The following ENSA variants were observed in gnomAD, a reference collection of about 807,000 sequenced individuals.
The protein encoded by ENSA is alpha-endosulfine.
ENSA carries 7 observed loss-of-function variants against 16.8 expected under a neutral mutation model. That is an observed-to-expected ratio of 0.42 (90% CI 0.24 to 0.78). The LOEUF (loss-of-function observed/expected upper bound fraction) is 0.78. Ranked by LOEUF, ENSA falls within the 30% of genes least tolerant of loss-of-function variation. The probability of loss-of-function intolerance (pLI) is 0.29; values close to 1 mark genes in which losing one functional copy is unlikely to be tolerated. For synonymous variants in ENSA, 58 were observed against 53.4 expected, an observed-to-expected ratio of 1.09 and a Z score of -0.37; for missense variants, 87 against 142.3, an observed-to-expected ratio of 0.61 and a Z score of 1.98.
chr1:150,622,456 CT>C lies in ENSA; in HGVS notation c.*387del. The C allele has an allele frequency of 4.3e-6, 1 of 230,186 alleles. No homozygotes were observed. The highest frequency in any genetic ancestry group is 8.4e-6 in the Non-Finnish European group (1 of 119,702). 14.3% of individuals were successfully genotyped at this position (230,186 alleles called of 1,614,324 possible). On this transcript the variant is annotated 3_prime_UTR_variant, in exon 4 of 4. Transcript: ENST00000369014. ...CCTTTTCATTAGGCTACTCCACTTC[CT>C]TCCCCTCATACCTACCCCACATCAG...
intron 3 of ENSA, chr1:150,624,656 C>G (rs1649178416): frequency 1.0e-6 from 1 of 985,452 alleles, no homozygotes; most frequent in African/African-American, 1.7e-5. Context: ...TCAATTTACT[C>G]TCTCCTCATG....
chr1:150,624,380 C>T, intron 3 of ENSA: 1 of 985,932 alleles, frequency 1.0e-6, no homozygotes, highest in Non-Finnish European at 1.2e-6. Context: ...GTTTACCCTT[C>T]TTCCTCTTTC....
intron 1 of ENSA, chr1:150,629,106 C>T: frequency 2.5e-6 from 4 of 1,614,154 alleles, no homozygotes; most frequent in Non-Finnish European, 3.4e-6. Flanking sequence ...CACCAGCCAT[C>T]CCCTTTCCAT....
In ENSA at chr1:150,625,051, T is replaced by C. The variant is rs118186764; in HGVS notation, c.350+591A>G. The C allele has an allele frequency of 2.7e-3, 2,675 of 985,348 alleles. 98 individuals are homozygous for C. In the Admixed American group the frequency reaches 0.07, roughly 26 times the overall value. The allele number at this position is 985,348 out of a possible 1,614,324, so 61.0% of individuals were successfully genotyped here. A position where few individuals can be genotyped will look rare whatever the true frequency, so the allele number is the denominator to read the frequency against. On this transcript the variant is annotated intron_variant, in intron 3 of 3. Transcript: ENST00000369014. ...ATAATGTTCATCAATCTTTATATTA[T>C]TTGAGAGCCAGAGCAAACTGTAAGA...
intron 3 of ENSA, chr1:150,623,666 A>G: frequency 1.0e-6 from 1 of 978,226 alleles, no homozygotes; most frequent in Non-Finnish European, 1.2e-6. Flanking sequence ...TGACATATCT[A>G]TGTACAACAT....
chr1:150,628,199 C>A (rs1172056775), intron 1 of ENSA, among the ~76,000 whole-genome samples: 1 of 152,128 alleles, frequency 6.6e-6, no homozygotes, highest in Non-Finnish European at 1.5e-5. Context: ...AAAATTGCTA[C>A]ACGACAAAGC....
At chr1:150,624,001 A>G (rs1649139443) in intron 3 of ENSA, 1 of 985,448 alleles carries the variant, frequency 1.0e-6, no homozygotes, top group Admixed American at 6.1e-5. Context: ...TGTTTGGCAT[A>G]TCAGAATTTG....
Position 150,627,587 on chromosome 1 carries a change from C to A in ENSA, c.63G>T (p.Thr21=), listed in dbSNP as rs777299672. Reference sequence around the variant, plus strand: ...CAGGCAGAATACCTTCTTTCTCCTGCGTGTCCTGGAGAAAACAAATGAGCC... The same window carrying A: ...CAGGCAGAATACCTTCTTTCTCCTGAGTGTCCTGGAGAAAACAAATGAGCC... ...AEETGEEKQD[T]QEKEGILPER... The change falls in exon 2 of 4, where the codon ACG becomes ACT. Residue 21 remains threonine, a synonymous_variant. Transcript: ENST00000369014. 2.7e-5 allele frequency: 44 copies of A among 1,607,806 alleles called. No individual in the cohort carries two copies. Among genetic ancestry groups the A allele is most frequent in the Non-Finnish European group, 3.5e-5 (41 of 1,178,296 alleles).
At position 150,629,548 on chromosome 1, in the gene ENSA, A is replaced by AC; in HGVS notation, c.-79dup. ...GGAAGGGGGAGGGGAAACGGGGACAACCTGCGCTGCTGCTTCGGCTCCTGT... is the reference window on the plus strand; with the variant it reads ...GGAAGGGGGAGGGGAAACGGGGACAACCCTGCGCTGCTGCTTCGGCTCCTGT... On this transcript the variant is annotated 5_prime_UTR_variant, in exon 1 of 4. Transcript: ENST00000369014. 1.9e-6 allele frequency: 3 copies of AC among 1,547,506 alleles called. No homozygotes were observed.
At chr1:150,629,381 C>T in intron 1 of ENSA, 33 bp downstream of exon 1, 1 of 1,606,904 alleles carries the variant, frequency 6.2e-7, no homozygotes, top group Non-Finnish European at 8.5e-7. Context: ...CACGGTCTCC[C>T]CAGCTCGCCC....
At chr1:150,623,854 C>G in intron 3 of ENSA, 1 of 985,734 alleles carries the variant, frequency 1.0e-6, no homozygotes. Flanking sequence ...CTCTCCATTC[C>G]TTCCTCACCA....
At chr1:150,623,167 C>A in intron 3 of ENSA, 6 of 1,190,102 alleles carry the variant, frequency 5.0e-6, no homozygotes, top group Non-Finnish European at 6.3e-6. Flanking sequence ...GGGTAAGCTG[C>A]CTGGCTCAGA....
intron 2 of ENSA, 154 bp downstream of exon 2, chr1:150,627,313 T>A (rs776271735): frequency 2.5e-6 from 4 of 1,596,002 alleles, no homozygotes; most frequent in East Asian, 2.2e-5. Context: ...GGGATTTACA[T>A]TAATTTGACT....
downstream of ENSA, chr1:150,621,825 A>G (rs936286792): frequency 6.6e-6 from 1 of 152,204 alleles, no homozygotes; most frequent in African/African-American, 2.4e-5. Context: ...AATGGAAGAC[A>G]GAGGGAAAAG....
Position 150,622,766 on chromosome 1 carries a change from AG to A in ENSA, c.*77del. 1 of 1,469,796 alleles carries A rather than the reference AG, an allele frequency of 6.8e-7. No individual in the cohort carries two copies. Among genetic ancestry groups the A allele is most frequent in the Non-Finnish European group, 9.1e-7 (1 of 1,095,608 alleles). The allele number at this position is 1,469,796 out of a possible 1,614,324, so 91.0% of individuals were successfully genotyped here. A position where few individuals can be genotyped will look rare whatever the true frequency, so the allele number is the denominator to read the frequency against. On this transcript the variant is annotated 3_prime_UTR_variant, in exon 4 of 4. Coordinates refer to ENST00000369014, the MANE Select transcript of ENSA (RefSeq NM_004436.4). Reference sequence around the variant, plus strand: ...CTGACCCCTGGCTGCAAAAGCAGGAAGGGGCAGGAGCCAGCACAGGACCCGG... The same window carrying A: ...CTGACCCCTGGCTGCAAAAGCAGGAAGGGCAGGAGCCAGCACAGGACCCGG...
intron 1 of ENSA, chr1:150,628,907 G>T: frequency 1.4e-6 from 1 of 718,498 alleles, no homozygotes; most frequent in Non-Finnish European, 2.4e-6. Flanking sequence ...TACTAAAATA[G>T]GTCTCTTGAG....
Position 150,626,651 on chromosome 1 carries a change from G to T in ENSA, c.183+816C>A. 20 of 628,654 alleles carry T rather than the reference G, an allele frequency of 3.2e-5. No homozygotes were observed. The South Asian group carries it at 3.3e-4, about 10-fold the overall frequency. The allele number at this position is 628,654 out of a possible 1,614,324, so 38.9% of individuals were successfully genotyped here. ...GGCTCACTGCAAGCTCCGCCTCCCG[G>T]GTTCACGCCATTCTCCTGCTTCAGC... is the stretch of plus-strand genomic sequence containing the variant. On this transcript the variant is annotated intron_variant, in intron 2 of 3. Transcript: ENST00000369014.
chr1:150,624,665 T>G, intron 3 of ENSA: 1 of 985,578 alleles, frequency 1.0e-6, no homozygotes, highest in South Asian at 4.7e-5. Context: ...TCTCTCCTCA[T>G]GTATCCCTCA....
chr1:150,621,840 C>G (rs1649011107), downstream of ENSA: 1 of 152,256 alleles, frequency 6.6e-6, no homozygotes, highest in South Asian at 2.1e-4. Context: ...GAAAAGGAGA[C>G]TGGGCCTCCT....
Sources: allele counts gnomAD v4.1 joint callset (sites outside exome capture counted in the v4.1 genomes callset), GRCh38; gene constraint gnomAD v4.1.1; transcripts MANE v1.5; gene names NCBI Gene and HGNC (gene_info 2026-07-23, HGNC 2026-07-21).